Variants in ANO3 observed in about 807,000 individuals in gnomAD.
ANO3 encodes the protein anoctamin-3.
ANO3 carries 99 observed loss-of-function variants against 144.8 expected under a neutral mutation model. The ratio of observed to expected loss-of-function variants is 0.68; its 90% CI spans 0.58 to 0.81. ANO3 has a LOEUF of 0.81. ANO3 is among the 30% of genes least tolerant of loss of function. The pLI, the probability that ANO3 is intolerant of heterozygous loss-of-function variation, is 0.00. For missense variants in ANO3, 905 were observed against 1,202.2 expected (o/e 0.75, Z 3.66); for synonymous variants, 414 against 392.6 (o/e 1.05, Z -0.64).
At chr11:26,378,737 T>A (rs1423246374) in intron 1 of ANO3, among the ~76,000 whole-genome samples, 1 of 152,008 alleles carries the variant, frequency 6.6e-6, no homozygotes, top group Non-Finnish European at 1.5e-5. Flanking sequence ...TATGAGTACA[T>A]TGTTTTGGAT....
At chr11:26,194,599 C>A (rs903977021) in intron 1 of ANO3, among the ~76,000 whole-genome samples, 2 of 151,824 alleles carry the variant, frequency 1.3e-5, no homozygotes, top group African/African-American at 4.8e-5. Context: ...CTCCCGGGTG[C>A]AAGGAATTCT....
chr11:26,383,689 G>A (rs1439785270), intron 1 of ANO3, among the ~76,000 whole-genome samples: 2 of 152,040 alleles, frequency 1.3e-5, no homozygotes, highest in Non-Finnish European at 2.9e-5. Context: ...CCTGAACTGC[G>A]AGGGGTAAAA....
intron 3 of ANO3, among the ~76,000 whole-genome samples, chr11:26,448,299 CAAAAAAAA>C (rs11401959): frequency 7.5e-6 from 1 of 132,512 alleles, no homozygotes; most frequent in East Asian, 2.2e-4. Flanking sequence ...AACTCCGTCT[CAAAAAAAA>C]AAAAAAAAGA....
chr11:26,474,738 C>T (rs989206440), intron 4 of ANO3, among the ~76,000 whole-genome samples: 4 of 151,692 alleles, frequency 2.6e-5, no homozygotes, highest in African/African-American at 9.7e-5. Context: ...ATGCTTCCAT[C>T]GGGAAAATTT....
chr11:26,360,706 T>A (rs2133924254), intron 1 of ANO3, among the ~76,000 whole-genome samples: 1 of 152,330 alleles, frequency 6.6e-6, no homozygotes, highest in Admixed American at 6.5e-5. Flanking sequence ...TCTGCATGTT[T>A]TTATTCGAAG....
At chr11:26,228,795 G>A (rs1189332574) in intron 1 of ANO3, among the ~76,000 whole-genome samples, 1 of 152,166 alleles carries the variant, frequency 6.6e-6, no homozygotes, top group Admixed American at 6.5e-5. Context: ...CTGCAGCTGA[G>A]GCAATCCTAG....
intron 1 of ANO3, among the ~76,000 whole-genome samples, chr11:26,368,821 T>C (rs1856168034): frequency 6.6e-6 from 1 of 152,158 alleles, no homozygotes; most frequent in Non-Finnish European, 1.5e-5. Context: ...TTTTTGTTTT[T>C]TTCAAGTACT....
intron 1 of ANO3, among the ~76,000 whole-genome samples, chr11:26,225,862 G>C (rs571767329): frequency 2.6e-5 from 4 of 152,106 alleles, no homozygotes; most frequent in African/African-American, 9.6e-5. Context: ...TCGTGTTATG[G>C]TTCTGAGTGA....
intron 1 of ANO3, among the ~76,000 whole-genome samples, chr11:26,266,206 G>T (rs1047639698): frequency 3.3e-5 from 5 of 151,782 alleles, no homozygotes; most frequent in Admixed American, 3.3e-4. Flanking sequence ...TTTCAAACTT[G>T]TTCATACACA....
chr11:26,600,673 T>C (rs1304205104), intron 17 of ANO3, among the ~76,000 whole-genome samples: 1 of 144,888 alleles, frequency 6.9e-6, no homozygotes, highest in Non-Finnish European at 1.5e-5. Context: ...TCTCTCCTTT[T>C]CCCATTGCTT....
upstream of ANO3, among the ~76,000 whole-genome samples, chr11:26,305,942 T>G (rs772324189): frequency 2.6e-5 from 4 of 152,020 alleles, no homozygotes; most frequent in Admixed American, 1.3e-4. Flanking sequence ...TTTGTCTTCC[T>G]CCCTGCACTT....
chr11:26,549,440 G>A (rs532213097), intron 12 of ANO3, among the ~76,000 whole-genome samples: 29 of 152,060 alleles, frequency 1.9e-4, no homozygotes, highest in Non-Finnish European at 2.8e-4. Context: ...GGGGGAAGGA[G>A]AGCAAGCTTT....
chr11:26,396,978 A>G (rs1857030983), intron 1 of ANO3, among the ~76,000 whole-genome samples: 1 of 151,562 alleles, frequency 6.6e-6, no homozygotes, highest in African/African-American at 2.4e-5. Context: ...AGACTGAGCT[A>G]ACTAACCTCT....
At chr11:26,404,977 G>A (rs61877741) in intron 1 of ANO3, among the ~76,000 whole-genome samples, 2 of 115,940 alleles carry the variant, frequency 1.7e-5, no homozygotes, top group African/African-American at 6.1e-5. Flanking sequence ...GTGTGTGTGT[G>A]TGTCTATATA....
At chr11:26,201,267 C>T (rs1002349136) in intron 1 of ANO3, among the ~76,000 whole-genome samples, 1 of 152,144 alleles carries the variant, frequency 6.6e-6, no homozygotes, top group Non-Finnish European at 1.5e-5. Context: ...GATTTTCATA[C>T]ACCCCATATT....
At chr11:26,509,006 A>C (rs1375167721) in intron 5 of ANO3, among the ~76,000 whole-genome samples, 1 of 151,380 alleles carries the variant, frequency 6.6e-6, no homozygotes, top group Non-Finnish European at 1.5e-5. Flanking sequence ...CCCCTCAGTA[A>C]ATTTTCTATA....
intron 1 of ANO3, among the ~76,000 whole-genome samples, chr11:26,430,023 A>C (rs778590461): frequency 2.0e-5 from 3 of 152,144 alleles, no homozygotes; most frequent in Non-Finnish European, 4.4e-5. Context: ...AGATCTCCTG[A>C]GGCCAGGAGT....
At chr11:26,245,018 T>TGTGTGTGCGTGC (rs151031559) in intron 1 of ANO3, among the ~76,000 whole-genome samples, 2 of 145,426 alleles carry the variant, frequency 1.4e-5, no homozygotes, top group East Asian at 4.0e-4. Flanking sequence ...TGTGTGTGTG[T>TGTGTGTGCGTGC]GTGCATGCAT....
chr11:26,598,694 G>C (rs1851708987), intron 15 of ANO3, among the ~76,000 whole-genome samples, 164 bp from the exon 16 acceptor site: 1 of 152,110 alleles, frequency 6.6e-6, no homozygotes, highest in Admixed American at 6.5e-5. Context: ...AATACTGCTC[G>C]GGATTTATTT....
Sources: gnomAD v4.1 joint callset for allele counts (sites outside exome capture counted in the v4.1 genomes callset) on GRCh38, gnomAD v4.1.1 for gene constraint, MANE v1.5 for transcripts, NCBI Gene and HGNC (gene_info 2026-07-23, HGNC 2026-07-21) for gene names.